The following PLA2R1 variants were observed in gnomAD, a reference collection of about 807,000 sequenced individuals.
PLA2R1 encodes the protein secretory phospholipase A2 receptor.
A neutral mutation model predicts 195.9 loss-of-function variants in PLA2R1; 158 were observed. The observed-to-expected ratio is 0.81, with a 90% CI of 0.71 to 0.92. The LOEUF is 0.92. Ranked by LOEUF, PLA2R1 falls within the 40% of genes least tolerant of loss-of-function variation. PLA2R1 has a pLI of 0.00. For missense variants in PLA2R1, 1,626 were observed against 1,764.6 expected (o/e 0.92, Z 1.41); for synonymous variants, 586 against 598.2 (o/e 0.98, Z 0.30).
At chr2:160,036,396 A>G (rs1051684649) in intron 3 of PLA2R1, among the ~76,000 whole-genome samples, 1 of 152,158 alleles carries the variant, frequency 6.6e-6, no homozygotes, top group East Asian at 1.9e-4. Context: ...TTAAAAACCT[A>G]TATGTGATTC....
intron 10 of PLA2R1, among the ~76,000 whole-genome samples, chr2:160,007,155 A>G (rs765349609): frequency 1.3e-5 from 2 of 152,234 alleles, no homozygotes; most frequent in African/African-American, 2.4e-5. Flanking sequence ...ATGTGCTTCA[A>G]AAGGAACATA....
intron 6 of PLA2R1, among the ~76,000 whole-genome samples, chr2:160,026,342 T>C (rs1244494787): frequency 6.6e-6 from 1 of 152,140 alleles, no homozygotes; most frequent in Non-Finnish European, 1.5e-5. Flanking sequence ...ATTCCAAGGA[T>C]TTTATACATA....
In PLA2R1 at chr2:160,028,313, G is replaced by T. The variant is rs1362804108; in HGVS notation, c.1004C>A (p.Ser335Ter). ...FVEDHCGTFS[S>*]FMPSAWRSRD... ...ACTCCTCCAGGCACTTGGCATAAAT[G>T]AACTAAATGTTCCACAGTGATCTTC... is the stretch of plus-strand genomic sequence containing the variant. Residue 335 changes from serine to a stop codon, truncating the protein, a stop_gained, in exon 6 of 30, where the codon TCA becomes TAA. Coordinates refer to ENST00000283243, the MANE Select transcript of PLA2R1 (RefSeq NM_007366.5). LOFTEE classifies it high-confidence loss of function. 1.2e-6 allele frequency: 2 copies of T among 1,607,858 alleles called. No individual in the cohort carries two copies. The highest frequency in any genetic ancestry group is 3.4e-5 in the Admixed American group (2 of 59,592).
chr2:160,042,700 G>A (rs1437134117), intron 2 of PLA2R1, among the ~76,000 whole-genome samples: 4 of 152,080 alleles, frequency 2.6e-5, no homozygotes, highest in Non-Finnish European at 4.4e-5. Flanking sequence ...GAGAGAGAAA[G>A]AGAAAGCAAA....
intron 4 of PLA2R1, among the ~76,000 whole-genome samples, chr2:160,031,764 A>G (rs1054572358): frequency 6.6e-6 from 1 of 151,948 alleles, no homozygotes; most frequent in African/African-American, 2.4e-5. Context: ...TTTATTTTTT[A>G]TTTATGTATT....
chr2:159,945,121 T>C (rs1687301634), intron 27 of PLA2R1, 39 bp from the exon 28 acceptor site: 2 of 1,471,712 alleles, frequency 1.4e-6, no homozygotes, highest in Non-Finnish European at 1.9e-6. Context: ...ATTATGTGCA[T>C]GGTTATCAAA....
Position 159,976,780 on chromosome 2 carries a change from A to G in PLA2R1, c.2402-60T>C. The G allele has an allele frequency of 5.6e-6, 7 of 1,257,796 alleles. No individual in the cohort carries two copies. The South Asian group carries it at 6.0e-5, about 11-fold the overall frequency. 77.9% of individuals were successfully genotyped at this position (1,257,796 alleles called of 1,614,324 possible). ...TGCTTCTCAAGTGCATTGTCTGTGA[A>G]TTACTTCAGCTCTAAACACACTATT... On this transcript the variant is annotated intron_variant, in intron 15 of 29. Coordinates refer to ENST00000283243, the MANE Select transcript of PLA2R1 (RefSeq NM_007366.5).
chr2:159,949,462 T>C (rs1687587336), intron 25 of PLA2R1, 146 bp downstream of exon 25: 2 of 558,572 alleles, frequency 3.6e-6, no homozygotes, highest in Admixed American at 6.0e-5. Flanking sequence ...TGTAGTTCTG[T>C]TATTCTTTAC....
At chr2:160,009,765 A>G (rs1224159503) in intron 10 of PLA2R1, among the ~76,000 whole-genome samples, 1 of 152,204 alleles carries the variant, frequency 6.6e-6, no homozygotes, top group Non-Finnish European at 1.5e-5. Flanking sequence ...GGGAGATATG[A>G]CAGTTGCAGG....
chr2:160,043,153 G>A (rs188147145), intron 2 of PLA2R1, among the ~76,000 whole-genome samples: 3 of 152,094 alleles, frequency 2.0e-5, no homozygotes, highest in Non-Finnish European at 4.4e-5. Context: ...GCCATACTGC[G>A]GGCTTTGGCC....
intron 13 of PLA2R1, among the ~76,000 whole-genome samples, chr2:159,980,295 T>C (rs1014935637): frequency 6.6e-6 from 1 of 152,142 alleles, no homozygotes; most frequent in Admixed American, 6.5e-5. Context: ...AACATGAGTT[T>C]CTCATCAGGA....
At chr2:160,000,710 C>T (rs540094708) in intron 11 of PLA2R1, among the ~76,000 whole-genome samples, 1 of 152,038 alleles carries the variant, frequency 6.6e-6, no homozygotes, top group East Asian at 1.9e-4. Context: ...CTACAAAGAA[C>T]CACAAACCAA....
intron 9 of PLA2R1, among the ~76,000 whole-genome samples, chr2:160,015,132 T>C (rs940256961): frequency 6.6e-6 from 1 of 152,200 alleles, no homozygotes; most frequent in Non-Finnish European, 1.5e-5. Context: ...GGATAACTGA[T>C]TATATCAGTT....
chr2:159,990,687 T>C (rs896232410), intron 11 of PLA2R1, among the ~76,000 whole-genome samples: 7 of 152,244 alleles, frequency 4.6e-5, no homozygotes, highest in African/African-American at 1.7e-4. Context: ...CAATGCTGTG[T>C]ATCTGCCAGG....
intron 11 of PLA2R1, among the ~76,000 whole-genome samples, chr2:159,997,203 A>C (rs1001539487): frequency 6.6e-6 from 1 of 152,148 alleles, no homozygotes; most frequent in African/African-American, 2.4e-5. Context: ...CAATTTTACC[A>C]TTAGGTCTCA....
intron 7 of PLA2R1, among the ~76,000 whole-genome samples, chr2:160,021,943 G>A (rs1693156237): frequency 6.6e-6 from 1 of 152,132 alleles, no homozygotes; most frequent in Admixed American, 6.5e-5. Context: ...GTTGAGATAA[G>A]CAGCCCACAG....
chr2:159,944,030 G>A (rs2125917720), intron 28 of PLA2R1, among the ~76,000 whole-genome samples: 1 of 152,178 alleles, frequency 6.6e-6, no homozygotes, highest in East Asian at 1.9e-4. Context: ...CATCACAGGT[G>A]TCTACAGAGC....
At chr2:159,982,301 C>G (rs1189520320) in intron 13 of PLA2R1, among the ~76,000 whole-genome samples, 1 of 152,194 alleles carries the variant, frequency 6.6e-6, no homozygotes, top group Non-Finnish European at 1.5e-5. Context: ...AACTTTTCTT[C>G]AGACTCAGAG....
At position 159,983,925 on chromosome 2, in the gene PLA2R1, T is replaced by C; in HGVS notation, c.2183+3A>G. On this transcript the variant is annotated splice_donor_region_variant and intron_variant, in intron 13 of 29. Coordinates refer to ENST00000283243, the MANE Select transcript of PLA2R1 (RefSeq NM_007366.5). ...TAATTTTTCATAATTAACAAGTATT[T>C]ACCAATTAAATTTTGAATGTAAGAG... The C allele has an allele frequency of 6.6e-7, 1 of 1,522,340 alleles. No homozygotes were observed. The highest frequency in any genetic ancestry group is 9.1e-7 in the Non-Finnish European group (1 of 1,102,252). 94.3% of individuals were successfully genotyped at this position (1,522,340 alleles called of 1,614,324 possible).
Sources: allele counts gnomAD v4.1 joint callset (sites outside exome capture counted in the v4.1 genomes callset), GRCh38; gene constraint gnomAD v4.1.1; transcripts MANE v1.5; gene names NCBI Gene and HGNC (gene_info 2026-07-23, HGNC 2026-07-21).